The following HAO1 variants were observed in gnomAD, a reference collection of about 807,000 sequenced individuals.
HAO1 encodes the protein hydroxyacid oxidase 1.
A neutral mutation model predicts 39.7 loss-of-function variants in HAO1; 34 were observed. That is an observed-to-expected ratio of 0.86 (90% CI 0.65 to 1.14). The LOEUF is 1.14. HAO1 is among the 50% of genes most tolerant of loss of function. HAO1 has a pLI of 0.00. For missense variants in HAO1, 479 were observed against 464.5 expected (o/e 1.03, Z -0.29); for synonymous variants, 172 against 173.2 (o/e 0.99, Z 0.05).
At chr20:7,917,642 G>A (rs2050313235) in intron 2 of HAO1, among the ~76,000 whole-genome samples, 1 of 152,136 alleles carries the variant, frequency 6.6e-6, no homozygotes, top group Admixed American at 6.6e-5. Context: ...TGGAGGTGCA[G>A]AGTGTGGATG....
At chr20:7,903,722 T>A (rs1484299042) in intron 4 of HAO1, among the ~76,000 whole-genome samples, 1 of 150,298 alleles carries the variant, frequency 6.7e-6, no homozygotes, top group Admixed American at 6.6e-5. Context: ...GTGGCTATGG[T>A]GGTAGTTGTG....
intron 2 of HAO1, among the ~76,000 whole-genome samples, chr20:7,928,573 T>C (rs1600120544): frequency 6.6e-6 from 1 of 151,548 alleles, no homozygotes; most frequent in East Asian, 1.9e-4. Flanking sequence ...CACAAGTAGC[T>C]CATGCTCAGT....
Position 7,914,257 on chromosome 20 carries a change from C to T in HAO1, c.452G>A (p.Gly151Asp). Residue 151 changes from glycine to aspartate, a missense_variant, in exon 3 of 8, where the codon GGC (glycine) becomes GAC (aspartate). By Grantham distance (94) the Gly-to-Asp change is moderately conservative (BLOSUM62 -1). Transcript: ENST00000378789. ...KKLVRQAEKM[G>D]YKAIFVTVDT... is the part of the protein sequence containing the mutation. The stretch of plus-strand genomic sequence containing the variant: ...CACTGTCACAAATATGGCCTTGTAG[C>T]CCATCTTCTCTGCCTGCCGCACTAG... 1 of 1,613,976 alleles carries T rather than the reference C, an allele frequency of 6.2e-7. No individual in the cohort carries two copies. The highest frequency in any genetic ancestry group is 1.3e-5 in the African/African-American group (1 of 75,030).
intron 2 of HAO1, among the ~76,000 whole-genome samples, chr20:7,931,076 A>T (rs936885200): frequency 2.6e-5 from 4 of 152,148 alleles, no homozygotes; most frequent in Non-Finnish European, 5.9e-5. Flanking sequence ...AAACTTAGAA[A>T]CCCTGGAGAG....
intron 1 of HAO1, among the ~76,000 whole-genome samples, chr20:7,936,545 T>TGTGTGTGTGTGTGTGTGTGTGC (rs2050411752): frequency 1.4e-5 from 2 of 144,802 alleles, no homozygotes; most frequent in Non-Finnish European, 3.0e-5. Context: ...TGTGTGTGTG[T>TGTGTGTGTGTGTGTGTGTGTGC]GTTCGCGCGC....
chr20:7,892,538 T>C (rs1015131806), intron 5 of HAO1, among the ~76,000 whole-genome samples: 3 of 152,188 alleles, frequency 2.0e-5, no homozygotes, highest in South Asian at 4.1e-4. Flanking sequence ...ATCAACCTGC[T>C]AGTTCAGTGA....
intron 3 of HAO1, among the ~76,000 whole-genome samples, chr20:7,907,194 G>A (rs1355448914): frequency 1.3e-5 from 2 of 152,234 alleles, no homozygotes; most frequent in East Asian, 3.9e-4. Flanking sequence ...TCGGTCTGCT[G>A]ACTCAAACTT....
chr20:7,917,309 C>T (rs1045251242), intron 2 of HAO1, among the ~76,000 whole-genome samples: 1 of 143,134 alleles, frequency 7.0e-6, no homozygotes, highest in Non-Finnish European at 1.5e-5. Context: ...CACTGTACTC[C>T]AGCCTGGATG....
At chr20:7,894,191 G>T (rs908566268) in intron 5 of HAO1, among the ~76,000 whole-genome samples, 5 of 152,066 alleles carry the variant, frequency 3.3e-5, no homozygotes, top group Admixed American at 6.5e-5. Context: ...CAGGAAATGT[G>T]TCCCTCTCCA....
intron 4 of HAO1, among the ~76,000 whole-genome samples, chr20:7,905,697 A>G (rs1233831100): frequency 1.3e-5 from 2 of 152,220 alleles, no homozygotes; most frequent in African/African-American, 4.8e-5. Context: ...GTTTGACCAC[A>G]CTCAAAAACT....
chr20:7,887,036 T>C (rs1334323496), intron 5 of HAO1, among the ~76,000 whole-genome samples: 2 of 152,180 alleles, frequency 1.3e-5, no homozygotes, highest in East Asian at 1.9e-4. Flanking sequence ...CCTAGATCAG[T>C]AGACACTGGT....
At chr20:7,930,992 AC>A (rs1315237630) in intron 2 of HAO1, among the ~76,000 whole-genome samples, 5 of 152,218 alleles carry the variant, frequency 3.3e-5, no homozygotes, top group African/African-American at 1.2e-4. Context: ...TGAGCTGATG[AC>A]CATCAGCTTT....
At chr20:7,911,049 C>CA (rs2050277223) in intron 3 of HAO1, among the ~76,000 whole-genome samples, 1 of 152,214 alleles carries the variant, frequency 6.6e-6, no homozygotes, top group South Asian at 2.1e-4. Context: ...ACAGAGGGAA[C>CA]AGCCAGTGCA....
intron 4 of HAO1, among the ~76,000 whole-genome samples, chr20:7,896,913 G>A (rs1322764840): frequency 3.9e-5 from 6 of 152,112 alleles, no homozygotes; most frequent in Non-Finnish European, 7.4e-5. Context: ...TCAGCTTTGA[G>A]TTTGCTCTTC....
chr20:7,935,800 T>C (rs1038608275), intron 1 of HAO1, among the ~76,000 whole-genome samples: 1 of 152,238 alleles, frequency 6.6e-6, no homozygotes, highest in Admixed American at 6.5e-5. Flanking sequence ...TGTTTTGATT[T>C]ATTATTCTCA....
chr20:7,889,569 G>A (rs1010195757), intron 5 of HAO1, among the ~76,000 whole-genome samples: 1 of 152,128 alleles, frequency 6.6e-6, no homozygotes, highest in African/African-American at 2.4e-5. Context: ...CTGGGGTGTA[G>A]CAGAGGCTGG....
At chr20:7,925,977 T>C (rs114888803) in intron 2 of HAO1, among the ~76,000 whole-genome samples, 1,991 of 152,310 alleles carry the variant, frequency 0.013, 39 homozygotes, top group African/African-American at 0.043. Flanking sequence ...CAATGAATTA[T>C]ACATTTTAGT....
intron 2 of HAO1, among the ~76,000 whole-genome samples, chr20:7,923,157 C>G (rs2294299): frequency 0.093 from 14,090 of 152,108 alleles, 1,027 homozygotes; most frequent in East Asian, 0.3. Flanking sequence ...TTTAAAAGAA[C>G]TCATCAAGTA....
rs568562953 is a variant in HAO1 at position 7,883,137 on chromosome 20, T to C, written c.*456A>G. Reference sequence around the variant, plus strand: ...CATTCCAATTCTCTCCAGTGCTACCTTCTCAAAGTTGTGAATCAGGCATTA... The same window carrying C: ...CATTCCAATTCTCTCCAGTGCTACCCTCTCAAAGTTGTGAATCAGGCATTA... On this transcript the variant is annotated 3_prime_UTR_variant, in exon 8 of 8. Transcript: ENST00000378789. The C allele has an allele frequency of 6.1e-6, 1 of 163,250 alleles. No homozygotes were observed. Among genetic ancestry groups the C allele is most frequent in the Admixed American group, 5.8e-5 (1 of 17,320 alleles). The allele number at this position is 163,250 out of a possible 1,614,324, so 10.1% of individuals were successfully genotyped here.
Sources: gnomAD v4.1 joint callset for allele counts (sites outside exome capture counted in the v4.1 genomes callset) on GRCh38, gnomAD v4.1.1 for gene constraint, MANE v1.5 for transcripts, NCBI Gene and HGNC (gene_info 2026-07-23, HGNC 2026-07-21) for gene names.